RFTN1: variants seen among roughly 807,000 people sequenced by gnomAD.
RFTN1 encodes the protein raftlin.
Under a neutral mutation model 46.5 loss-of-function variants are expected in RFTN1, and 26 were observed. The ratio of observed to expected loss-of-function variants is 0.56; its 90% CI spans 0.41 to 0.78. RFTN1 has a LOEUF of 0.78. Ranked by LOEUF, RFTN1 falls within the 30% of genes least tolerant of loss-of-function variation. RFTN1 has a pLI of 0.00. For missense variants in RFTN1, 693 were observed against 718.7 expected (o/e 0.96, Z 0.41); for synonymous variants, 261 against 284.2 (o/e 0.92, Z 0.82).
rs951630186 is a variant in RFTN1 at position 16,512,074 on chromosome 3, C to G, written c.-9+1368G>C. Among the ~76,000 whole-genome samples, 3 of 152,110 alleles carry G rather than the reference C, an allele frequency of 2.0e-5. No homozygotes were observed. Among genetic ancestry groups the G allele is most frequent in the African/African-American group, 7.2e-5 (3 of 41,410 alleles). On this transcript the variant is annotated intron_variant, in intron 1 of 9. Coordinates refer to ENST00000334133, the MANE Select transcript of RFTN1 (RefSeq NM_015150.2). The surrounding 1 kb of genome is among the most constrained non-coding windows in gnomAD (Gnocchi z 4.3). ...GTGATTTCACTGAGGTTAGCACACA[C>G]GCACCAAAGAGTCCCAAACAGCTTG... is the stretch of plus-strand genomic sequence containing the variant.
chr3:16,415,430 T>TATATATATATATATATATAC, intron 3 of RFTN1, among the ~76,000 whole-genome samples: 2 of 114,276 alleles, frequency 1.8e-5, no homozygotes, highest in African/African-American at 5.5e-5. Context: ...TATATATATA[T>TATATATATATATATATATAC]ACACACACAC....
intron 2 of RFTN1, chr3:16,434,697 A>G (rs1303678327): frequency 1.3e-5 from 2 of 152,308 alleles, no homozygotes; most frequent in African/African-American, 4.8e-5. Flanking sequence ...AAGGGAAAAG[A>G]AGAAAAATAC....
chr3:16,330,509 G>A (rs989138607), intron 7 of RFTN1, among the ~76,000 whole-genome samples: 1 of 152,196 alleles, frequency 6.6e-6, no homozygotes, highest in Non-Finnish European at 1.5e-5. Flanking sequence ...AGAGAAGAAA[G>A]CACCAACAAC....
intron 2 of RFTN1, among the ~76,000 whole-genome samples, chr3:16,476,556 C>T (rs1448361261): frequency 6.6e-6 from 1 of 152,118 alleles, no homozygotes; most frequent in Non-Finnish European, 1.5e-5. Context: ...AAAAGAAGGC[C>T]TCTCTGAAAA....
chr3:16,437,810 A>G (rs1422615621), intron 2 of RFTN1, among the ~76,000 whole-genome samples: 1 of 152,194 alleles, frequency 6.6e-6, no homozygotes, highest in East Asian at 1.9e-4. Context: ...CCAGCCCAAG[A>G]TCTCCTTTTG....
chr3:16,432,174 A>G (rs528511430), intron 3 of RFTN1, among the ~76,000 whole-genome samples: 59 of 152,306 alleles, frequency 3.9e-4, no homozygotes, highest in African/African-American at 1.1e-3. Flanking sequence ...GTGGCCCCCA[A>G]TCTTCTCATG....
At chr3:16,323,502 G>T in intron 8 of RFTN1, 45 bp from the exon 9 acceptor site, 1 of 1,424,646 alleles carries the variant, frequency 7.0e-7, no homozygotes, top group Non-Finnish European at 9.9e-7. Context: ...TGCCTTAGAG[G>T]AACCCAAAAC....
At position 16,374,638 on chromosome 3, in the gene RFTN1, G is replaced by A. The variant is rs55710170; in HGVS notation, c.826+3080C>T. Reference sequence around the variant, plus strand: ...GTGCAGGGTAGGAAGGGCAGTGCTTGGAAGACTTGTTATTTTGGTGACGGT... The same window carrying A: ...GTGCAGGGTAGGAAGGGCAGTGCTTAGAAGACTTGTTATTTTGGTGACGGT... On this transcript the variant is annotated intron_variant, in intron 5 of 9. Coordinates refer to ENST00000334133, the MANE Select transcript of RFTN1 (RefSeq NM_015150.2). This position sits in a 1 kb window ranked among gnomAD's most constrained non-coding sequence, Gnocchi z 5.4. Among the ~76,000 whole-genome samples, 22,594 of 152,170 alleles carry A rather than the reference G, an allele frequency of 0.15. 1,829 individuals carry two copies. Among genetic ancestry groups the A allele is most frequent in the Middle Eastern group, 0.29 (86 of 294 alleles).
chr3:16,493,590 C>T (rs10454232), intron 2 of RFTN1, 135 bp downstream of exon 2: 138,362 of 786,584 alleles, frequency 0.18, 14,844 homozygotes, highest in South Asian at 0.23. Flanking sequence ...GTAAGCCGCC[C>T]CCTTGAGACA....
intron 7 of RFTN1, chr3:16,339,759 A>G (rs1447340515): frequency 1.3e-5 from 2 of 152,216 alleles, no homozygotes; most frequent in Admixed American, 6.5e-5. Flanking sequence ...CTAGAACACA[A>G]ACTCCACAAA....
chr3:16,416,937 G>T (rs1484094658), intron 3 of RFTN1, among the ~76,000 whole-genome samples: 1 of 151,618 alleles, frequency 6.6e-6, no homozygotes, highest in Non-Finnish European at 1.5e-5. Flanking sequence ...GTACAATTCA[G>T]TGGCGTTAAG....
In RFTN1 at chr3:16,356,043, G is replaced by A. The variant is rs1162656498; in HGVS notation, c.1146+1889C>T. Among the ~76,000 whole-genome samples, 1 of 152,154 alleles carries A rather than the reference G, an allele frequency of 6.6e-6. No individual in the cohort carries two copies. On this transcript the variant is annotated intron_variant, in intron 7 of 9. Coordinates refer to ENST00000334133, the MANE Select transcript of RFTN1 (RefSeq NM_015150.2). This position sits in a 1 kb window ranked among gnomAD's most constrained non-coding sequence, Gnocchi z 4.9. ...ATGTTACGGAGCAAACTGAATGCCG[G>A]CTGCTCAGTCCTTCAGATCCTCAAC...
At chr3:16,319,516 C>G (rs1482743536) in intron 9 of RFTN1, among the ~76,000 whole-genome samples, 1 of 152,166 alleles carries the variant, frequency 6.6e-6, no homozygotes, top group Non-Finnish European at 1.5e-5. Context: ...GTGAATAGCG[C>G]CCTCTGCTGT....
At chr3:16,323,844 C>CTCAG (rs1448727627) in intron 8 of RFTN1, among the ~76,000 whole-genome samples, 1 of 152,200 alleles carries the variant, frequency 6.6e-6, no homozygotes, top group Non-Finnish European at 1.5e-5. Context: ...GGGTGATGAG[C>CTCAG]TCAGCCCTCC....
chr3:16,340,300 C>T (rs2071232095), intron 7 of RFTN1, among the ~76,000 whole-genome samples: 1 of 152,222 alleles, frequency 6.6e-6, no homozygotes, highest in Admixed American at 6.5e-5. Flanking sequence ...GGGGCTTGCC[C>T]ACTTGCTGCT....
chr3:16,324,618 C>T (rs568594583), intron 8 of RFTN1, among the ~76,000 whole-genome samples: 1 of 143,998 alleles, frequency 6.9e-6, no homozygotes, highest in Admixed American at 6.9e-5. Flanking sequence ...CCCTGACCCC[C>T]CCCCTTTTAA....
intron 2 of RFTN1, among the ~76,000 whole-genome samples, chr3:16,441,299 T>TAAAAAAAAAAA (rs59877269): frequency 6.1e-4 from 29 of 47,340 alleles, no homozygotes; most frequent in Middle Eastern, 0.023. Flanking sequence ...TTCCAAGAAC[T>TAAAAAAAAAAA]AAAAAAAAAA....
intron 2 of RFTN1, among the ~76,000 whole-genome samples, chr3:16,486,732 T>A (rs1249439213): frequency 6.6e-6 from 1 of 152,274 alleles, no homozygotes; most frequent in Non-Finnish European, 1.5e-5. Context: ...GTTCTTCATC[T>A]GTGAGAGAGT....
At chr3:16,492,308 G>C (rs1398674062) in intron 2 of RFTN1, among the ~76,000 whole-genome samples, 1 of 152,214 alleles carries the variant, frequency 6.6e-6, no homozygotes, top group African/African-American at 2.4e-5. Context: ...ACAGCAGAAA[G>C]AGTAGTCAAG....
Sources: allele counts gnomAD v4.1 joint callset (sites outside exome capture counted in the v4.1 genomes callset), GRCh38; gene constraint gnomAD v4.1.1; non-coding constraint Gnocchi (gnomAD v3.1); transcripts MANE v1.5; gene names NCBI Gene and HGNC (gene_info 2026-07-23, HGNC 2026-07-21).